The following CRISP1 variants were observed in gnomAD, a reference collection of about 807,000 sequenced individuals.
The protein encoded by CRISP1 is cysteine rich secretory protein 1.
CRISP1 carries 44 observed loss-of-function variants against 33.1 expected under a neutral mutation model. The observed-to-expected ratio is 1.33, with a 90% CI of 1.05 to 1.71. CRISP1 has a LOEUF of 1.71. CRISP1 is among the 40% of genes most tolerant of loss of function. CRISP1 has a pLI of 0.00. For missense variants in CRISP1, 390 were observed against 301.2 expected, an observed-to-expected ratio of 1.29 and a Z score of -2.18; for synonymous variants, 103 against 98.7, an observed-to-expected ratio of 1.04 and a Z score of -0.26.
At position 49,846,619 on chromosome 6, in the gene CRISP1, C is replaced by A; in HGVS notation, c.336G>T (p.Trp112Cys). 1 of 1,613,502 alleles carries A rather than the reference C, an allele frequency of 6.2e-7. No individual in the cohort carries two copies. Among genetic ancestry groups the A allele is most frequent in the Non-Finnish European group, 8.5e-7 (1 of 1,179,634 alleles). ...NMHMTSYPVS[W>C]SSVIGVWYSE... ...TGTACCAGACTCCAATTACACTTGA[C>A]CATGATACAGGATAAGATGTCATAT... Residue 112 changes from tryptophan (W) to cysteine (C), a missense_variant, in exon 5 of 8, where the codon TGG becomes TGT. Trp to Cys is a radical substitution (Grantham distance 215). Transcript: ENST00000335847.
At chr6:49,858,830 A>G (rs1771566078) in intron 1 of CRISP1, among the ~76,000 whole-genome samples, 1 of 152,192 alleles carries the variant, frequency 6.6e-6, no homozygotes, top group African/African-American at 2.4e-5. Flanking sequence ...TTCAAGAAAG[A>G]TAGCTGACTA....
Position 49,838,436 on chromosome 6 carries a change from C to T in CRISP1, c.622+1G>A. 1 of 1,605,820 alleles carries T rather than the reference C, an allele frequency of 6.2e-7. No individual in the cohort carries two copies. The highest frequency in any genetic ancestry group is 8.5e-7 in the Non-Finnish European group (1 of 1,173,890). On this transcript the variant is annotated splice_donor_variant, in intron 7 of 7. Coordinates refer to ENST00000335847, the MANE Select transcript of CRISP1 (RefSeq NM_001131.3). LOFTEE classifies it high-confidence loss of function. Reference sequence around the variant, plus strand: ...AACAAACAGAATGCAAACAAACTTACTGCAAAGTTTGTCTTCACAGTTACT... The same window carrying T: ...AACAAACAGAATGCAAACAAACTTATTGCAAAGTTTGTCTTCACAGTTACT...
At chr6:49,848,334 A>G (rs1429976242) in intron 3 of CRISP1, 35 bp from the exon 4 acceptor site, 1 of 1,256,872 alleles carries the variant, frequency 8.0e-7, no homozygotes, top group East Asian at 2.3e-5. Context: ...ACATGTTCCA[A>G]TTAATATTTT....
intron 1 of CRISP1, among the ~76,000 whole-genome samples, chr6:49,873,456 C>T (rs905559918): frequency 8.6e-5 from 13 of 151,984 alleles, no homozygotes; most frequent in Admixed American, 7.9e-4. Context: ...GCAGCCAGGT[C>T]CTAGCATAAA....
At chr6:49,849,853 T>C (rs1771295650) in intron 3 of CRISP1, among the ~76,000 whole-genome samples, 1 of 151,814 alleles carries the variant, frequency 6.6e-6, no homozygotes, top group African/African-American at 2.4e-5. Context: ...GGTAAAACCA[T>C]GGTTTTGTAG....
chr6:49,862,776 C>T (rs1038477229), intron 1 of CRISP1, among the ~76,000 whole-genome samples: 5 of 149,982 alleles, frequency 3.3e-5, no homozygotes, highest in Non-Finnish European at 5.9e-5. Context: ...AGGTAAAATG[C>T]GTACACTCAA....
At chr6:49,835,509 C>A (rs1361064375) in intron 7 of CRISP1, 66 bp from the exon 8 acceptor site, 11 of 1,504,352 alleles carry the variant, frequency 7.3e-6, no homozygotes, top group African/African-American at 1.4e-5. Context: ...AGGAAAGAGA[C>A]CATCTTATTA....
intron 2 of CRISP1, among the ~76,000 whole-genome samples, 161 bp from the exon 3 acceptor site, chr6:49,852,290 C>G (rs1303952854): frequency 4.6e-5 from 7 of 152,080 alleles, no homozygotes; most frequent in African/African-American, 1.7e-4. Context: ...TTCCATTTCT[C>G]CAGTACTAAT....
chr6:49,846,375 C>G, intron 5 of CRISP1, 145 bp downstream of exon 5: 1 of 816,724 alleles, frequency 1.2e-6, no homozygotes, highest in Non-Finnish European at 1.9e-6. Context: ...ACACTTCCTT[C>G]TATTTCAAAT....
intron 1 of CRISP1, among the ~76,000 whole-genome samples, chr6:49,873,756 A>G (rs994119171): frequency 1.3e-5 from 2 of 150,012 alleles, no homozygotes; most frequent in African/African-American, 4.8e-5. Flanking sequence ...TAGTAGATAA[A>G]ATATTTAAAG....
rs754028118 is a variant in CRISP1, at chr6:49,857,324, C to A, written c.66+11G>T. 9.3e-6 allele frequency: 15 copies of A among 1,611,258 alleles called. No homozygotes were observed. The highest frequency in any genetic ancestry group is 1.7e-4 in the Middle Eastern group (1 of 6,042). Reference sequence around the variant, plus strand: ...TAGAAAGTAATTATGAAACATCCAACCCTCACATACTTTCATGGACAACAT... The same window carrying A: ...TAGAAAGTAATTATGAAACATCCAAACCTCACATACTTTCATGGACAACAT... On this transcript the variant is annotated intron_variant, in intron 2 of 7. Coordinates refer to ENST00000335847, the MANE Select transcript of CRISP1 (RefSeq NM_001131.3).
At chr6:49,861,495 G>T (rs1279678007) in intron 1 of CRISP1, among the ~76,000 whole-genome samples, 1 of 152,026 alleles carries the variant, frequency 6.6e-6, no homozygotes. Context: ...TAAAGGAAAA[G>T]AACCATATGG....
chr6:49,874,538 A>G (rs1771992308), intron 1 of CRISP1, among the ~76,000 whole-genome samples: 1 of 151,954 alleles, frequency 6.6e-6, no homozygotes, highest in Non-Finnish European at 1.5e-5. Context: ...GCCTGCCTTC[A>G]GGATATTATT....
chr6:49,872,372 T>C (rs952451877), intron 1 of CRISP1, among the ~76,000 whole-genome samples: 1 of 152,030 alleles, frequency 6.6e-6, no homozygotes, highest in African/African-American at 2.4e-5. Context: ...CTGATGGTAG[T>C]TTCTTTTGCT....
At chr6:49,860,632 CA>C (rs754501317) in intron 1 of CRISP1, among the ~76,000 whole-genome samples, 4 of 151,974 alleles carry the variant, frequency 2.6e-5, no homozygotes, top group Non-Finnish European at 4.4e-5. Flanking sequence ...TGCTAAAAGG[CA>C]AGTTTATACT....
intron 4 of CRISP1, among the ~76,000 whole-genome samples, chr6:49,847,924 C>G (rs889523482): frequency 6.6e-6 from 1 of 152,124 alleles, no homozygotes; most frequent in Non-Finnish European, 1.5e-5. Context: ...TAGCTGCTCA[C>G]TCCACTCTTC....
At position 49,852,248 on chromosome 6, in the gene CRISP1, T is replaced by A. The variant is rs572025936; in HGVS notation, c.67-119A>T. On this transcript the variant is annotated intron_variant, in intron 2 of 7. Coordinates refer to ENST00000335847, the MANE Select transcript of CRISP1 (RefSeq NM_001131.3). ...TTATATTAAACAGTGATTTATAGCA[T>A]TTTTGAATTTATAATGTCTCATTAT... 1.7e-3 allele frequency: 1,531 copies of A among 887,034 alleles called. 5 individuals are homozygous for A. Among genetic ancestry groups the A allele is most frequent in the Non-Finnish European group, 2.3e-3 (1,387 of 601,126 alleles). 54.9% of individuals were successfully genotyped at this position (887,034 alleles called of 1,614,324 possible).
intron 6 of CRISP1, among the ~76,000 whole-genome samples, chr6:49,840,632 G>GT (rs972024933): frequency 3.3e-5 from 5 of 151,816 alleles, no homozygotes; most frequent in African/African-American, 4.8e-5. Context: ...ATATATTGGA[G>GT]TTTTTTTTAA....
At chr6:49,854,015 C>A (rs927607536) in intron 2 of CRISP1, among the ~76,000 whole-genome samples, 1 of 152,184 alleles carries the variant, frequency 6.6e-6, no homozygotes, top group Non-Finnish European at 1.5e-5. Flanking sequence ...TCACTCTCCA[C>A]ATTATTGTAG....
Sources: allele counts gnomAD v4.1 joint callset (sites outside exome capture counted in the v4.1 genomes callset), GRCh38; gene constraint gnomAD v4.1.1; transcripts MANE v1.5; gene names NCBI Gene and HGNC (gene_info 2026-07-23, HGNC 2026-07-21).